Variants in NRF1 observed in about 807,000 individuals in gnomAD.
NRF1 encodes the protein nuclear respiratory factor 1.
A neutral mutation model predicts 58.5 loss-of-function variants in NRF1; 5 were observed. That is an observed-to-expected ratio of 0.09 (90% CI 0.04 to 0.18). The LOEUF is 0.18. Ranked by LOEUF, NRF1 falls within the 10% of genes least tolerant of loss-of-function variation. The pLI is 1.00. For synonymous variants in NRF1, 224 were observed against 246.7 expected, an observed-to-expected ratio of 0.91 and a Z score of 0.86; for missense variants, 288 against 657.7, an observed-to-expected ratio of 0.44 and a Z score of 6.15.
intron 9 of NRF1, among the ~76,000 whole-genome samples, chr7:129,726,510 C>T (rs899507862): frequency 2.0e-5 from 3 of 152,110 alleles, no homozygotes; most frequent in Non-Finnish European, 4.4e-5. Flanking sequence ...TTCTACAGAG[C>T]ATTTGTGCTA....
In NRF1 at chr7:129,691,094, G is replaced by A. The variant is rs146649980; in HGVS notation, c.606+548G>A. On this transcript the variant is annotated intron_variant, in intron 5 of 10. Transcript: ENST00000393232. ...CTAAAGATGAGGGTCTCACTGTGTT[G>A]CCCAGGCTGATCTCAAACTCCTAGG... Among the ~76,000 whole-genome samples the A allele has an allele frequency of 7.1e-4, 108 of 151,726 alleles. 1 individual carries two copies. In the East Asian group the frequency reaches 0.021, roughly 29 times the overall value.
intron 6 of NRF1, among the ~76,000 whole-genome samples, chr7:129,709,729 CTTTT>C (rs71527924): frequency 2.3e-5 from 3 of 127,934 alleles, no homozygotes; most frequent in Non-Finnish European, 3.4e-5. Flanking sequence ...TCTTTTCTTT[CTTTT>C]TTTTTTTTTT....
intron 1 of NRF1, among the ~76,000 whole-genome samples, chr7:129,624,939 A>G (rs1468676782): frequency 6.6e-6 from 1 of 152,184 alleles, no homozygotes; most frequent in Non-Finnish European, 1.5e-5. Flanking sequence ...TGCTGGAGAG[A>G]GAGAGTTTGT....
chr7:129,685,962 C>G (rs1273787233), intron 4 of NRF1, among the ~76,000 whole-genome samples: 3 of 151,584 alleles, frequency 2.0e-5, no homozygotes, highest in African/African-American at 7.3e-5. Context: ...AATAGCCGGG[C>G]ATGGTGGCAG....
chr7:129,626,263 C>CA, intron 1 of NRF1, among the ~76,000 whole-genome samples: 1 of 152,304 alleles, frequency 6.6e-6, no homozygotes, highest in South Asian at 2.1e-4. Context: ...GCACTACTGT[C>CA]AGAGTCCCTG....
At chr7:129,737,494 C>T (rs1025959024) in intron 10 of NRF1, among the ~76,000 whole-genome samples, 1 of 152,152 alleles carries the variant, frequency 6.6e-6, no homozygotes, top group Non-Finnish European at 1.5e-5. Context: ...TACTGCATGT[C>T]CCACTGTTCC....
rs1015919422 is a variant in NRF1 at position 129,722,525 on chromosome 7, C to A, written c.1224-4716C>A. Among the ~76,000 whole-genome samples, 3 of 152,142 alleles carry A rather than the reference C, an allele frequency of 2.0e-5. No homozygotes were observed. The East Asian group carries it at 5.8e-4, about 29-fold the overall frequency. On this transcript the variant is annotated intron_variant, in intron 9 of 10. Transcript: ENST00000393232. ...GCATCATCGTTGTCTTCATGCCCCA[C>A]GTAAAGACCTTAACTGGGGACTGAA...
intron 10 of NRF1, among the ~76,000 whole-genome samples, chr7:129,742,275 T>TAAAAAAA (rs71167214): frequency 4.7e-5 from 6 of 126,780 alleles, no homozygotes; most frequent in Non-Finnish European, 8.4e-5. Flanking sequence ...TGAAATTGAT[T>TAAAAAAA]AAAAAAAAAA....
chr7:129,622,846 C>G (rs1439473015), intron 1 of NRF1, among the ~76,000 whole-genome samples: 1 of 152,092 alleles, frequency 6.6e-6, no homozygotes, highest in East Asian at 1.9e-4. Flanking sequence ...TTGGGATTAC[C>G]AGCTTGAGCC....
intron 1 of NRF1, 33 bp from the exon 2 acceptor site, chr7:129,657,313 A>G (rs1370823322): frequency 2.1e-6 from 3 of 1,454,266 alleles, no homozygotes; most frequent in Admixed American, 1.7e-5. Context: ...TACACACTGA[A>G]TCCTGTTCTT....
chr7:129,722,349 C>G (rs1023295161), intron 9 of NRF1, among the ~76,000 whole-genome samples: 8 of 151,696 alleles, frequency 5.3e-5, no homozygotes, highest in Admixed American at 2.6e-4. Context: ...CGAGATCACA[C>G]CAGTGCACTC....
At chr7:129,668,068 T>C (rs1175374259) in intron 2 of NRF1, among the ~76,000 whole-genome samples, 3 of 152,180 alleles carry the variant, frequency 2.0e-5, no homozygotes, top group African/African-American at 7.2e-5. Context: ...CATTGTTTTA[T>C]TGAGGTTATT....
chr7:129,690,141 TGACTAA>T (rs1802530603), intron 4 of NRF1, among the ~76,000 whole-genome samples: 1 of 152,230 alleles, frequency 6.6e-6, no homozygotes, highest in Non-Finnish European at 1.5e-5. Context: ...AATGTGATTT[TGACTAA>T]GAAGCAGTAT....
chr7:129,661,577 C>T (rs1283072493), intron 2 of NRF1, among the ~76,000 whole-genome samples: 1 of 150,772 alleles, frequency 6.6e-6, no homozygotes, highest in East Asian at 1.9e-4. Context: ...AGTCTCTTTG[C>T]CGAAGCATAA....
At chr7:129,691,840 C>G (rs1039234870) in intron 5 of NRF1, among the ~76,000 whole-genome samples, 3 of 152,100 alleles carry the variant, frequency 2.0e-5, no homozygotes, top group African/African-American at 7.2e-5. Flanking sequence ...CCCCTCATCC[C>G]TTCTGGGGCC....
At chr7:129,717,956 G>A (rs979850579) in intron 9 of NRF1, among the ~76,000 whole-genome samples, 15 of 152,184 alleles carry the variant, frequency 9.9e-5, no homozygotes, top group Admixed American at 5.2e-4. Flanking sequence ...GATTTTACTT[G>A]CTTTTGAGAA....
intron 10 of NRF1, among the ~76,000 whole-genome samples, chr7:129,751,146 C>T (rs1274622444): frequency 1.3e-5 from 2 of 152,168 alleles, no homozygotes; most frequent in Non-Finnish European, 2.9e-5. Flanking sequence ...GGGGAGGAGC[C>T]CCCTCCAGGC....
intron 1 of NRF1, among the ~76,000 whole-genome samples, chr7:129,642,383 G>A (rs1801310839): frequency 1.3e-5 from 2 of 152,108 alleles, no homozygotes; most frequent in Non-Finnish European, 2.9e-5. Context: ...GTGAGAAATT[G>A]GAAATAACCT....
At chr7:129,624,987 A>C (rs1349185173) in intron 1 of NRF1, among the ~76,000 whole-genome samples, 1 of 152,148 alleles carries the variant, frequency 6.6e-6, no homozygotes, top group Non-Finnish European at 1.5e-5. Context: ...ATAAAACCAC[A>C]AACTTAGTGG....
Sources: allele counts gnomAD v4.1 joint callset (sites outside exome capture counted in the v4.1 genomes callset), GRCh38; gene constraint gnomAD v4.1.1; transcripts MANE v1.5; gene names NCBI Gene and HGNC (gene_info 2026-07-23, HGNC 2026-07-21).